Variants in ADGRL3 observed in about 807,000 individuals in gnomAD.
ADGRL3 encodes the protein adhesion G protein-coupled receptor L3, also known as calcium-independent alpha-latrotoxin receptor 3.
In ADGRL3, 62 loss-of-function variants were observed where a neutral mutation model predicts 153.5. The ratio of observed to expected loss-of-function variants is 0.40; its 90% CI spans 0.33 to 0.50. The LOEUF (loss-of-function observed/expected upper bound fraction) is 0.50, where lower values mean the gene tolerates loss of function less well. Among genes scored for constraint, ADGRL3 ranks in the 20% least tolerant of loss-of-function variants. The pLI, the probability that ADGRL3 is intolerant of heterozygous loss-of-function variation, is 0.47. For synonymous variants in ADGRL3, 710 were observed against 672.5 expected, an observed-to-expected ratio of 1.06 and a Z score of -0.86; for missense variants, 1,641 against 1,859.4, an observed-to-expected ratio of 0.88 and a Z score of 2.16.
intron 5 of ADGRL3, among the ~76,000 whole-genome samples, chr4:61,657,020 A>C (rs566364147): frequency 6.6e-6 from 1 of 152,250 alleles, no homozygotes; most frequent in African/African-American, 2.4e-5. Context: ...CCAAATGTCT[A>C]TTCTTTTGAT....
chr4:61,560,015 T>A (rs1002635189), intron 4 of ADGRL3, among the ~76,000 whole-genome samples: 10 of 152,054 alleles, frequency 6.6e-5, no homozygotes, highest in Non-Finnish European at 1.5e-4. Flanking sequence ...AAAGTACTAA[T>A]CCTTCAAGAT....
intron 2 of ADGRL3, among the ~76,000 whole-genome samples, chr4:61,471,405 TG>T (rs1265936468): frequency 6.6e-6 from 1 of 151,822 alleles, no homozygotes; most frequent in African/African-American, 2.4e-5. Context: ...GTTACATAGA[TG>T]GAAGTGATGT....
chr4:61,492,271 T>C (rs2098267159), intron 2 of ADGRL3, among the ~76,000 whole-genome samples: 2 of 152,158 alleles, frequency 1.3e-5, no homozygotes, highest in Non-Finnish European at 2.9e-5. Flanking sequence ...TGAAGTAGAA[T>C]TTGTAGTTAT....
At chr4:61,856,781 T>G (rs1403829930) in intron 9 of ADGRL3, among the ~76,000 whole-genome samples, 1 of 151,568 alleles carries the variant, frequency 6.6e-6, no homozygotes, top group Admixed American at 6.6e-5. Flanking sequence ...GTTTTTGTAT[T>G]TTTAGTAGAG....
chr4:62,030,798 G>A (rs1721577752), intron 22 of ADGRL3, among the ~76,000 whole-genome samples: 1 of 151,454 alleles, frequency 6.6e-6, no homozygotes, highest in African/African-American at 2.4e-5. Flanking sequence ...AGAAGTGAGT[G>A]ATCCAAAGCC....
chr4:61,865,503 C>CCATATGCT (rs1344693844), intron 9 of ADGRL3, among the ~76,000 whole-genome samples: 8 of 152,092 alleles, frequency 5.3e-5, no homozygotes, highest in Non-Finnish European at 1.0e-4. Context: ...TCTGACTGTA[C>CCATATGCT]CATATGCTTT....
intron 9 of ADGRL3, among the ~76,000 whole-genome samples, chr4:61,878,015 A>G (rs982718963): frequency 6.6e-6 from 1 of 152,098 alleles, no homozygotes; most frequent in Non-Finnish European, 1.5e-5. Context: ...ACCTTCCGCC[A>G]TGATTGTAAG....
chr4:62,025,231 A>T (rs1717791055), intron 21 of ADGRL3, among the ~76,000 whole-genome samples: 1 of 152,124 alleles, frequency 6.6e-6, no homozygotes, highest in African/African-American at 2.4e-5. Context: ...GCTATTTTAG[A>T]TATACATTGT....
chr4:61,903,649 GCAAAAA>G (rs2098677838), intron 11 of ADGRL3, among the ~76,000 whole-genome samples: 1 of 15,758 alleles, frequency 6.3e-5, no homozygotes. Context: ...TTGGGAAACA[GCAAAAA>G]AAAAAAAAAA....
At chr4:61,654,154 A>C (rs369910611) in intron 5 of ADGRL3, among the ~76,000 whole-genome samples, 1 of 152,198 alleles carries the variant, frequency 6.6e-6, no homozygotes, top group African/African-American at 2.4e-5. Context: ...TTAATTTCTC[A>C]TATTATGTAC....
chr4:61,808,972 T>C (rs2097579819), intron 8 of ADGRL3, among the ~76,000 whole-genome samples: 1 of 151,992 alleles, frequency 6.6e-6, no homozygotes. Flanking sequence ...AAAAGCAAAA[T>C]GATAATATTA....
chr4:61,779,491 G>A (rs771726631), intron 8 of ADGRL3, among the ~76,000 whole-genome samples: 12 of 151,588 alleles, frequency 7.9e-5, no homozygotes, highest in South Asian at 2.1e-4. Flanking sequence ...AAAATTAGCC[G>A]GGCATGGTGG....
chr4:61,889,811 G>A (rs1416743329), intron 9 of ADGRL3, among the ~76,000 whole-genome samples: 2 of 152,164 alleles, frequency 1.3e-5, no homozygotes, highest in East Asian at 1.9e-4. Flanking sequence ...TGAGACAATA[G>A]GCTGGAGAAA....
chr4:62,003,227 A>G (rs2151123753), intron 21 of ADGRL3, among the ~76,000 whole-genome samples: 1 of 152,170 alleles, frequency 6.6e-6, no homozygotes, highest in Admixed American at 6.6e-5. Flanking sequence ...AAGACTTATG[A>G]TGTCACCGGG....
chr4:61,208,284 C>A (rs1193704698), intron 1 of ADGRL3, among the ~76,000 whole-genome samples: 1 of 152,040 alleles, frequency 6.6e-6, no homozygotes, highest in Non-Finnish European at 1.5e-5. Context: ...TGTCAAGATA[C>A]CTGATCTCTC....
chr4:61,382,047 GTATAT>G (rs1397560865), intron 1 of ADGRL3, among the ~76,000 whole-genome samples: 3 of 151,810 alleles, frequency 2.0e-5, no homozygotes, highest in Non-Finnish European at 4.4e-5. Flanking sequence ...TTATATCATA[GTATAT>G]CTTATTTTAA....
intron 8 of ADGRL3, among the ~76,000 whole-genome samples, chr4:61,746,651 G>A (rs1278457956): frequency 6.6e-6 from 1 of 152,110 alleles, no homozygotes; most frequent in Non-Finnish European, 1.5e-5. Flanking sequence ...GATGTTCTTT[G>A]AAACCAACAA....
intron 17 of ADGRL3, among the ~76,000 whole-genome samples, chr4:61,967,422 C>T (rs2099010990): frequency 6.6e-6 from 1 of 152,090 alleles, no homozygotes. Context: ...CTTTGACTCA[C>T]AATCCTGCCC....
chr4:61,317,557 G>C (rs2095251390), intron 1 of ADGRL3, among the ~76,000 whole-genome samples: 1 of 152,134 alleles, frequency 6.6e-6, no homozygotes, highest in Admixed American at 6.5e-5. Flanking sequence ...TCTTGTGTAA[G>C]GCCTATAATA....
Sources: allele counts gnomAD v4.1 joint callset (sites outside exome capture counted in the v4.1 genomes callset), GRCh38; gene constraint gnomAD v4.1.1; transcripts MANE v1.5; gene names NCBI Gene and HGNC (gene_info 2026-07-23, HGNC 2026-07-21).